The following NFKB1 variants were observed in gnomAD, a reference collection of about 807,000 sequenced individuals.
NFKB1 encodes the protein nuclear factor kappa B subunit 1.
In NFKB1, 9 loss-of-function variants were observed where a neutral mutation model predicts 105.1. The observed-to-expected ratio is 0.09, with a 90% confidence interval of 0.05 to 0.15. The LOEUF (loss-of-function observed/expected upper bound fraction) is 0.15, where lower values mean the gene tolerates loss of function less well. Among genes scored for constraint, NFKB1 ranks in the 10% least tolerant of loss-of-function variants. The probability of loss-of-function intolerance (pLI) is 1.00; values close to 1 mark genes in which losing one functional copy is unlikely to be tolerated. For missense variants in NFKB1, 830 were observed against 1,203.7 expected (o/e 0.69, Z 4.59); for synonymous variants, 440 against 442.2 (o/e 1.00, Z 0.06).
chr4:102,612,647 T>C (rs1333244405), intron 22 of NFKB1, 41 bp downstream of exon 22: 1 of 1,567,872 alleles, frequency 6.4e-7, no homozygotes, highest in South Asian at 1.1e-5. Context: ...TTCATTTGAC[T>C]TTACTCTGTT....
intron 5 of NFKB1, among the ~76,000 whole-genome samples, chr4:102,549,867 A>G (rs555099821): frequency 2.0e-5 from 3 of 152,240 alleles, no homozygotes; most frequent in South Asian, 2.1e-4. Context: ...CACTTTTTTC[A>G]GAAACTAATT....
intron 2 of NFKB1, among the ~76,000 whole-genome samples, chr4:102,525,963 C>A (rs1740882704): frequency 6.6e-6 from 1 of 152,158 alleles, no homozygotes; most frequent in Non-Finnish European, 1.5e-5. Context: ...CCATGCCTCT[C>A]CCCTAGCTTC....
chr4:102,534,803 A>G (rs1741536271), intron 4 of NFKB1, among the ~76,000 whole-genome samples: 1 of 152,160 alleles, frequency 6.6e-6, no homozygotes, highest in Admixed American at 6.6e-5. Flanking sequence ...GGTGAGTGAA[A>G]CACTTTTGCA....
At chr4:102,592,428 A>G (rs1726251976) in intron 11 of NFKB1, among the ~76,000 whole-genome samples, 1 of 152,214 alleles carries the variant, frequency 6.6e-6, no homozygotes, top group Non-Finnish European at 1.5e-5. Flanking sequence ...CCCAGCCTTC[A>G]GTAGCCACCA....
chr4:102,575,487 C>T (rs1724744746), intron 6 of NFKB1, among the ~76,000 whole-genome samples: 1 of 152,068 alleles, frequency 6.6e-6, no homozygotes, highest in South Asian at 2.1e-4. Context: ...GATCTGGCCC[C>T]CTGCTTACCT....
At chr4:102,529,471 C>A (rs1418212246) in intron 2 of NFKB1, among the ~76,000 whole-genome samples, 1 of 152,170 alleles carries the variant, frequency 6.6e-6, no homozygotes, top group African/African-American at 2.4e-5. Flanking sequence ...AGAGTACAAG[C>A]TTCAAATCAT....
Position 102,613,481 on chromosome 4 carries a change from C to G in NFKB1, c.2649C>G (p.Thr883=), listed in dbSNP as rs369470181. ...LVEALRQMGY[T]EAIEVIQAAS... is the part of the protein sequence containing the mutation. ...AGGCCCTGAGACAAATGGGCTACACCGAAGCAATTGAAGTGATCCAGGCAG... is the reference window on the plus strand; with the variant it reads ...AGGCCCTGAGACAAATGGGCTACACGGAAGCAATTGAAGTGATCCAGGCAG... Residue 883 remains threonine, a synonymous_variant, in exon 23 of 24, where the codon ACC becomes ACG. Transcript: ENST00000226574. The G allele has an allele frequency of 9.3e-6, 15 of 1,613,794 alleles. No homozygotes were observed. The highest frequency in any genetic ancestry group is 1.3e-5 in the Non-Finnish European group (15 of 1,179,996).
chr4:102,578,716 C>A, intron 7 of NFKB1, 165 bp from the exon 8 acceptor site: 1 of 640,490 alleles, frequency 1.6e-6, no homozygotes, highest in Non-Finnish European at 2.6e-6. Context: ...TATTGGATGA[C>A]ATAAATGAGA....
rs527243820 is a variant in NFKB1 at position 102,561,883 on chromosome 4, C to T, written c.259-5104C>T. On this transcript the variant is annotated intron_variant, in intron 5 of 23. Coordinates refer to ENST00000226574, the MANE Select transcript of NFKB1 (RefSeq NM_003998.4). ...GTTACTGAACCCTGTCTTCATATTG[C>T]GCTAGGTTGCATATGGTTTTCCTGC... 1.1e-4 allele frequency among the ~76,000 whole-genome samples: 16 copies of T among 152,244 alleles called. 1 individual carries two copies. The South Asian group carries it at 2.1e-3, about 20-fold the overall frequency.
At chr4:102,550,436 C>T (rs1288717139) in intron 5 of NFKB1, among the ~76,000 whole-genome samples, 3 of 152,150 alleles carry the variant, frequency 2.0e-5, no homozygotes, top group Non-Finnish European at 2.9e-5. Flanking sequence ...CGAGTTCATA[C>T]ACTAATTCAT....
chr4:102,536,812 A>G (rs1410506250), intron 4 of NFKB1, among the ~76,000 whole-genome samples: 2 of 152,142 alleles, frequency 1.3e-5, no homozygotes, highest in African/African-American at 2.4e-5. Context: ...AAAAAATCTT[A>G]ACGTATTTTC....
At chr4:102,549,938 T>C (rs1229613940) in intron 5 of NFKB1, among the ~76,000 whole-genome samples, 1 of 152,152 alleles carries the variant, frequency 6.6e-6, no homozygotes, top group Non-Finnish European at 1.5e-5. Flanking sequence ...GCATCTTTCT[T>C]CCAGTGGATT....
At chr4:102,554,743 A>T (rs1039122416) in intron 5 of NFKB1, among the ~76,000 whole-genome samples, 7 of 152,086 alleles carry the variant, frequency 4.6e-5, no homozygotes, top group South Asian at 2.1e-4. Flanking sequence ...TGAATGTGAG[A>T]TCACACAGGG....
chr4:102,576,962 G>A lies in NFKB1; in HGVS notation c.494G>A (p.Gly165Asp). ...EARMTEACIR[G>D]YNPGLLVHPD... ...CGAATGACAGAGGCGTGTATAAGGGGCTATAATCCTGGACTCTTGGTGCAC... is the reference window on the plus strand; with the variant it reads ...CGAATGACAGAGGCGTGTATAAGGGACTATAATCCTGGACTCTTGGTGCAC... The change falls in exon 7 of 24, where the codon GGC becomes GAC. Residue 165 changes from glycine (G) to aspartate (D), a missense_variant. By Grantham distance (94) the Gly-to-Asp change is moderately conservative. Coordinates refer to ENST00000226574, the MANE Select transcript of NFKB1 (RefSeq NM_003998.4). 6.2e-7 allele frequency: 1 copy of A among 1,613,914 alleles called. No individual in the cohort carries two copies. Among genetic ancestry groups the A allele is most frequent in the Non-Finnish European group, 8.5e-7 (1 of 1,179,940 alleles).
intron 1 of NFKB1, among the ~76,000 whole-genome samples, chr4:102,515,914 T>C (rs1740148846): frequency 6.6e-6 from 1 of 152,214 alleles, no homozygotes; most frequent in Non-Finnish European, 1.5e-5. Context: ...CTTTTTAGCA[T>C]GTCTTTTAGC....
Position 102,616,440 on chromosome 4 carries a change from T to C in NFKB1, c.2756T>C (p.Leu919Pro), listed in dbSNP as rs1342558094. 2 of 1,613,944 alleles carry C rather than the reference T, an allele frequency of 1.2e-6. No homozygotes were observed. Among genetic ancestry groups the C allele is most frequent in the Non-Finnish European group, 8.5e-7 (1 of 1,179,992 alleles). Residue 919 changes from leucine (L) to proline (P), a missense_variant, in exon 24 of 24, where the codon CTC (leucine) becomes CCC (proline). This residue lies in a region of NFKB1 where 418 missense variants were observed against 575.3 expected (regional missense o/e 0.73). Coordinates refer to ENST00000226574, the MANE Select transcript of NFKB1 (RefSeq NM_003998.4). ...PASTRQQIDE[L>P]RDSDSVCDSG... ...TTGTGCTTTCTCCCCTCAGACGAGC[T>C]CCGAGACAGTGACAGTGTCTGCGAC... is the stretch of plus-strand genomic sequence containing the variant.
intron 5 of NFKB1, among the ~76,000 whole-genome samples, chr4:102,562,636 G>A (rs1723533169): frequency 6.6e-6 from 1 of 152,156 alleles, no homozygotes; most frequent in African/African-American, 2.4e-5. Flanking sequence ...ATGAAATCAA[G>A]TGTATTATTC....
chr4:102,578,141 G>A (rs947607510), intron 7 of NFKB1: 6 of 231,102 alleles, frequency 2.6e-5, no homozygotes, highest in Non-Finnish European at 4.3e-5. Flanking sequence ...TCCTCTTCCT[G>A]GAATGCCTTT....
At position 102,533,787 on chromosome 4, in the gene NFKB1, C is replaced by G. The variant is rs1396985257; in HGVS notation, c.119-58C>G. The G allele has an allele frequency of 1.7e-5, 24 of 1,445,140 alleles. No individual in the cohort carries two copies. In the South Asian group the frequency reaches 2.9e-4, roughly 18 times the overall value. 89.5% of individuals were successfully genotyped at this position (1,445,140 alleles called of 1,614,324 possible). A position where few individuals can be genotyped will look rare whatever the true frequency, so the allele number is the denominator to read the frequency against. ...TTTTTTACTTGCTTTACGTTTTATA[C>G]CAAATTTGAGAAGCCTCACAGTTTC... On this transcript the variant is annotated intron_variant, in intron 3 of 23. Transcript: ENST00000226574.
Sources: allele counts gnomAD v4.1 joint callset (sites outside exome capture counted in the v4.1 genomes callset), GRCh38; gene constraint gnomAD v4.1.1; regional missense constraint gnomAD v4.1.1; transcripts MANE v1.5; gene names NCBI Gene and HGNC (gene_info 2026-07-23, HGNC 2026-07-21).